KRT78: variants seen among roughly 807,000 people sequenced by gnomAD.
The protein encoded by KRT78 is keratin, type II cytoskeletal 78.
Under a neutral mutation model 51.4 loss-of-function variants are expected in KRT78, and 55 were observed. The ratio of observed to expected loss-of-function variants is 1.07; its 90% CI spans 0.86 to 1.34. KRT78 has a LOEUF of 1.34. KRT78 is among the 40% of genes most tolerant of loss of function. The probability of loss-of-function intolerance (pLI) is 0.00; values close to 1 mark genes in which losing one functional copy is unlikely to be tolerated. For missense variants in KRT78, 652 were observed against 649.4 expected (o/e 1.00, Z -0.04); for synonymous variants, 291 against 264.3 (o/e 1.10, Z -0.98).
intron 6 of KRT78, among the ~76,000 whole-genome samples, chr12:52,840,477 T>C (rs967474089): frequency 1.1e-4 from 16 of 151,178 alleles, no homozygotes; most frequent in African/African-American, 3.7e-4. Flanking sequence ...CTGAGGCAGG[T>C]GAATTACAAG....
In KRT78 at chr12:52,838,951, A is replaced by G; in HGVS notation, c.*162T>C. On this transcript the variant is annotated 3_prime_UTR_variant, in exon 9 of 9. Coordinates refer to ENST00000304620, the MANE Select transcript of KRT78 (RefSeq NM_173352.4). ...TGCTGGGTGAGGTGTGCAAGCACTTAGAGCATTCAGAACAGCAGGAGGGGA... is the reference window on the plus strand; with the variant it reads ...TGCTGGGTGAGGTGTGCAAGCACTTGGAGCATTCAGAACAGCAGGAGGGGA... The G allele has an allele frequency of 2.5e-6, 2 of 804,778 alleles. No homozygotes were observed. The highest frequency in any genetic ancestry group is 1.9e-6 in the Non-Finnish European group (1 of 517,996). 49.9% of individuals were successfully genotyped at this position (804,778 alleles called of 1,614,324 possible).
In KRT78 at chr12:52,846,305, G is replaced by A. The variant is rs199905467; in HGVS notation, c.661-13C>T. ...CCCCATCCACATCCTGGAGACAAGG[G>A]GAGAGAGAACACGTAACCCCCTCTT... On this transcript the variant is annotated splice_polypyrimidine_tract_variant and intron_variant, in intron 3 of 8. Coordinates refer to ENST00000304620, the MANE Select transcript of KRT78 (RefSeq NM_173352.4). 6.4e-7 allele frequency: 1 copy of A among 1,564,598 alleles called. No individual in the cohort carries two copies. The highest frequency in any genetic ancestry group is 8.8e-7 in the Non-Finnish European group (1 of 1,135,290).
rs1940380341 is a variant in KRT78, at chr12:52,837,816, A to T, written c.*1297T>A. ...AAAACGGAAATTATACTTTTTCAAA[A>T]AGTCAATTTAATTGAACTACCTTGG... On this transcript the variant is annotated 3_prime_UTR_variant, in exon 9 of 9. Coordinates refer to ENST00000304620, the MANE Select transcript of KRT78 (RefSeq NM_173352.4). 6.6e-6 allele frequency: 1 copy of T among 152,244 alleles called. No individual in the cohort carries two copies. The highest frequency in any genetic ancestry group is 1.5e-5 in the Non-Finnish European group (1 of 68,044). The allele number at this position is 152,244 out of a possible 1,614,324, so 9.4% of individuals were successfully genotyped here. A position where few individuals can be genotyped will look rare whatever the true frequency, so the allele number is the denominator to read the frequency against.
Position 52,839,780 on chromosome 12 carries a change from C to T in KRT78, c.1252G>A (p.Glu418Lys), listed in dbSNP as rs1199061181. 2 of 1,613,916 alleles carry T rather than the reference C, an allele frequency of 1.2e-6. No homozygotes were observed. The highest frequency in any genetic ancestry group is 1.3e-5 in the African/African-American group (1 of 74,896). The change falls in exon 7 of 9, where the codon GAG (glutamate) becomes AAG (lysine). Residue 418 changes from glutamate (E) to lysine (K), a missense_variant. By Grantham distance (56) the Glu-to-Lys change is moderately conservative. Coordinates refer to ENST00000304620, the MANE Select transcript of KRT78 (RefSeq NM_173352.4). ...CTCCCTCACCTGCACTCCTCGCCCT[C>T]CAGCAGCCTGCGGTAAGTGGCAATC... ...VEIATYRRLL[E>K]GEECRMSGEC...
rs764048708 is a variant in KRT78 at position 52,848,872 on chromosome 12, G to A, written c.59C>T (p.Ala20Val). The change falls in exon 1 of 9, where the codon GCT becomes GTT. Residue 20 changes from alanine (A) to valine (V), a missense_variant. Coordinates refer to ENST00000304620, the MANE Select transcript of KRT78 (RefSeq NM_173352.4). The part of the protein sequence containing the change: ...RGFSARSACS[A>V]RSRGRSRGGF... ...TCCCCTGCTGCGGCCCCTTGAGCGA[G>A]CAGAACAGGCTGAGCGAGCGCTGAA... 3 of 1,608,828 alleles carry A rather than the reference G, an allele frequency of 1.9e-6. No individual in the cohort carries two copies. Among genetic ancestry groups the A allele is most frequent in the Non-Finnish European group, 1.7e-6 (2 of 1,177,966 alleles).
intron 6 of KRT78, among the ~76,000 whole-genome samples, chr12:52,842,959 G>GAGAGAGAGAGAGAGAA (rs1299063277): frequency 7.4e-5 from 4 of 53,746 alleles, no homozygotes; most frequent in African/African-American, 1.2e-4. Flanking sequence ...GAGAGAGAGA[G>GAGAGAGAGAGAGAGAA]AGGAAGGAAG....
chr12:52,842,534 C>T (rs1338129670), intron 6 of KRT78, among the ~76,000 whole-genome samples: 1 of 152,068 alleles, frequency 6.6e-6, no homozygotes, highest in Admixed American at 6.6e-5. Context: ...CCCTGGCTCC[C>T]AACTTCCCCC....
chr12:52,846,071 T>A, intron 4 of KRT78, 126 bp downstream of exon 4: 1 of 639,882 alleles, frequency 1.6e-6, no homozygotes, highest in Non-Finnish European at 2.8e-6. Flanking sequence ...GTCAAGTGAC[T>A]GAATGACCCA....
Position 52,839,627 on chromosome 12 carries a change from C to A in KRT78, c.1268+137G>T, listed in dbSNP as rs182201635. ...ACAGTCTCCAACTTAAAATCCCTCT[C>A]TGCAGCGTCGGTTGCCCTTAGCAAC... On this transcript the variant is annotated intron_variant, in intron 7 of 8. Transcript: ENST00000304620. The A allele has an allele frequency of 7.0e-6, 9 of 1,282,384 alleles. No individual in the cohort carries two copies. In the East Asian group the frequency reaches 1.0e-4, roughly 14 times the overall value. 79.4% of individuals were successfully genotyped at this position (1,282,384 alleles called of 1,614,324 possible). A position where few individuals can be genotyped will look rare whatever the true frequency, so the allele number is the denominator to read the frequency against.
rs1285296723 is a variant in KRT78, at chr12:52,838,148, C to T, written c.*965G>A. On this transcript the variant is annotated 3_prime_UTR_variant, in exon 9 of 9. Coordinates refer to ENST00000304620, the MANE Select transcript of KRT78 (RefSeq NM_173352.4). ...GTAGTGTGACCTCCTGCAGCCCAGA[C>T]TATGGAGTTTGGGGTTGAGCCAGGT... The T allele has an allele frequency of 1.3e-5, 2 of 152,240 alleles. No individual in the cohort carries two copies. The highest frequency in any genetic ancestry group is 2.9e-5 in the Non-Finnish European group (2 of 68,066). The allele number at this position is 152,240 out of a possible 1,614,324, so 9.4% of individuals were successfully genotyped here. A position where few individuals can be genotyped will look rare whatever the true frequency, so the allele number is the denominator to read the frequency against.
At position 52,837,829 on chromosome 12, in the gene KRT78, T is replaced by G. The variant is rs1299817577; in HGVS notation, c.*1284A>C. ...TACTTTTTCAAAAAGTCAATTTAAT[T>G]GAACTACCTTGGATGAATTTAGTTT... On this transcript the variant is annotated 3_prime_UTR_variant, in exon 9 of 9. Transcript: ENST00000304620. 1 of 152,256 alleles carries G rather than the reference T, an allele frequency of 6.6e-6. No homozygotes were observed. The highest frequency in any genetic ancestry group is 1.5e-5 in the Non-Finnish European group (1 of 68,046). 9.4% of individuals were successfully genotyped at this position (152,256 alleles called of 1,614,324 possible).
At position 52,848,773 on chromosome 12, in the gene KRT78, C is replaced by T. The variant is rs954199809; in HGVS notation, c.158G>A (p.Gly53Glu). Residue 53 changes from glycine (G) to glutamate (E), a missense_variant, in exon 1 of 9, where the codon GGG becomes GAG. Coordinates refer to ENST00000304620, the MANE Select transcript of KRT78 (RefSeq NM_173352.4). ...SFGGCLEGSR[G>E]STWGSGGRLG... ...CCTACCCCCTGACCCCCAGGTACTC[C>T]CACGAGAGCCTTCCAGGCACCCCCC... is the stretch of plus-strand genomic sequence containing the variant. 9 of 1,612,594 alleles carry T rather than the reference C, an allele frequency of 5.6e-6. No homozygotes were observed. The highest frequency in any genetic ancestry group is 7.6e-6 in the Non-Finnish European group (9 of 1,179,370).
In KRT78 at chr12:52,848,789, G is replaced by A. The variant is rs773442956; in HGVS notation, c.142C>T (p.Leu48=). 1 of 1,606,696 alleles carries A rather than the reference G, an allele frequency of 6.2e-7. No individual in the cohort carries two copies. The highest frequency in any genetic ancestry group is 8.5e-7 in the Non-Finnish European group (1 of 1,178,302). Residue 48 remains leucine, a synonymous_variant, in exon 1 of 9, where the codon CTG becomes TTG. Coordinates refer to ENST00000304620, the MANE Select transcript of KRT78 (RefSeq NM_173352.4). ...SRSLNSFGGC[L]EGSRGSTWGS... ...CAGGTACTCCCACGAGAGCCTTCCA[G>A]GCACCCCCCAAAGGAATTAAGGCTC...
chr12:52,845,952 CAA>C (rs71755479), intron 4 of KRT78: 5,219 of 366,480 alleles, frequency 0.014, no homozygotes, highest in Middle Eastern at 0.021. Context: ...GATTCCATCT[CAA>C]AAAAAAAAAA....
chr12:52,842,348 C>T (rs1940517986), intron 6 of KRT78, among the ~76,000 whole-genome samples: 1 of 152,204 alleles, frequency 6.6e-6, no homozygotes, highest in Non-Finnish European at 1.5e-5. Flanking sequence ...GAATACTTAA[C>T]AATTTGAGAA....
At position 52,844,989 on chromosome 12, in the gene KRT78, C is replaced by T. The variant is rs534433396; in HGVS notation, c.757-266G>A. On this transcript the variant is annotated intron_variant, in intron 4 of 8. Transcript: ENST00000304620. ...GCCCAAAATCACCCAGCCCCCATCA[C>T]TCCTCAGGCCTCTTTTTTTTTTCTT... Among the ~76,000 whole-genome samples, 184 of 150,526 alleles carry T rather than the reference C, an allele frequency of 1.2e-3. 1 individual carries two copies. Among genetic ancestry groups the T allele is most frequent in the African/African-American group, 4.4e-3 (180 of 40,996 alleles).
intron 6 of KRT78, among the ~76,000 whole-genome samples, chr12:52,842,034 C>T (rs1456137248): frequency 2.0e-5 from 3 of 152,332 alleles, no homozygotes; most frequent in East Asian, 3.9e-4. Flanking sequence ...TTAATAGCCA[C>T]CCCAGAGGAC....
chr12:52,846,009 G>A (rs911263865), intron 4 of KRT78, 188 bp downstream of exon 4: 4 of 543,570 alleles, frequency 7.4e-6, no homozygotes, highest in Non-Finnish European at 1.3e-5. Context: ...GTTATTCATT[G>A]ATGTATCCCC....
chr12:52,838,530 A>G lies in KRT78; in HGVS notation c.*583T>C, dbSNP rs1309976284. The G allele has an allele frequency of 1.3e-5, 2 of 157,348 alleles. No individual in the cohort carries two copies. The highest frequency in any genetic ancestry group is 4.8e-5 in the African/African-American group (2 of 41,470). 9.7% of individuals were successfully genotyped at this position (157,348 alleles called of 1,614,324 possible). A position where few individuals can be genotyped will look rare whatever the true frequency, so the allele number is the denominator to read the frequency against. ...AGTCCCTTACCAGAGCCAGACAGAC[A>G]TAGCACCCAGGACAGCAACAGGTGC... On this transcript the variant is annotated 3_prime_UTR_variant, in exon 9 of 9. Coordinates refer to ENST00000304620, the MANE Select transcript of KRT78 (RefSeq NM_173352.4).
Sources: gnomAD v4.1 joint callset for allele counts (sites outside exome capture counted in the v4.1 genomes callset) on GRCh38, gnomAD v4.1.1 for gene constraint, MANE v1.5 for transcripts, NCBI Gene and HGNC (gene_info 2026-07-23, HGNC 2026-07-21) for gene names.